DNAH3: variants seen among roughly 807,000 people sequenced by gnomAD.
The protein encoded by DNAH3 is dynein axonemal heavy chain 3.
A neutral mutation model predicts 432.5 loss-of-function variants in DNAH3; 332 were observed. The ratio of observed to expected loss-of-function variants is 0.77; its 90% CI spans 0.70 to 0.84. The LOEUF (loss-of-function observed/expected upper bound fraction) is 0.84. Ranked by LOEUF, DNAH3 falls within the 40% of genes least tolerant of loss-of-function variation. The probability of loss-of-function intolerance (pLI) is 0.00; values close to 1 mark genes in which losing one functional copy is unlikely to be tolerated. For missense variants in DNAH3, 4,861 were observed against 5,114.0 expected, an observed-to-expected ratio of 0.95 and a Z score of 1.51; for synonymous variants, 1,956 against 1,900.2, an observed-to-expected ratio of 1.03 and a Z score of -0.76.
chr16:21,087,184 G>C, intron 18 of DNAH3, 124 bp from the exon 19 acceptor site: 1 of 800,046 alleles, frequency 1.2e-6, no homozygotes, highest in Non-Finnish European at 2.0e-6. Context: ...TACAGGCTTT[G>C]AGGATCTGAA....
At chr16:20,943,699 C>T (rs778251143) in intron 58 of DNAH3, among the ~76,000 whole-genome samples, 2 of 152,164 alleles carry the variant, frequency 1.3e-5, no homozygotes, top group Admixed American at 6.6e-5. Flanking sequence ...CAACTGTTAA[C>T]GCTGGGAGCA....
intron 42 of DNAH3, among the ~76,000 whole-genome samples, chr16:21,001,653 G>C (rs1238352885): frequency 6.6e-6 from 1 of 152,168 alleles, no homozygotes; most frequent in Non-Finnish European, 1.5e-5. Context: ...TGTTTTGCCT[G>C]TATTACCCCC....
At chr16:20,936,546 G>T in intron 60 of DNAH3, 103 bp downstream of exon 60, 2 of 994,450 alleles carry the variant, frequency 2.0e-6, no homozygotes, top group South Asian at 1.6e-5. Flanking sequence ...GATGTTCTGT[G>T]GCTGCCTGCC....
chr16:21,025,524 G>A (rs544278401), intron 38 of DNAH3, among the ~76,000 whole-genome samples: 40 of 147,834 alleles, frequency 2.7e-4, no homozygotes, highest in African/African-American at 8.6e-4. Flanking sequence ...ATTTATAGAT[G>A]TAATTATAGA....
exon 53 of DNAH3, chr16:20,963,829 T>C: frequency 3.1e-6 from 5 of 1,613,882 alleles, no homozygotes; most frequent in Non-Finnish European, 4.2e-6. Context: ...CAGGGTGAAA[T>C]GGTCAATGAT....
intron 21 of DNAH3, 46 bp downstream of exon 21, chr16:21,075,400 TA>T (rs769694576): frequency 1.6e-6 from 2 of 1,288,028 alleles, no homozygotes; most frequent in East Asian, 2.3e-5. Flanking sequence ...TATTGCATAA[TA>T]AATGGGGCTG....
chr16:21,108,252 C>G (rs1440981944), intron 14 of DNAH3, among the ~76,000 whole-genome samples: 1 of 152,158 alleles, frequency 6.6e-6, no homozygotes, highest in African/African-American at 2.4e-5. Flanking sequence ...CCTGGGGTGT[C>G]TGCATTCTTA....
chr16:21,146,043 G>C, exon 2 of DNAH3: 2 of 1,613,968 alleles, frequency 1.2e-6, no homozygotes, highest in Non-Finnish European at 8.5e-7. Flanking sequence ...AGCTCTGGCT[G>C]CCCCTGGGAG....
chr16:21,118,001 T>C (rs1253178459), intron 11 of DNAH3, among the ~76,000 whole-genome samples: 1 of 152,054 alleles, frequency 6.6e-6, no homozygotes. Flanking sequence ...TTTTGTTTTG[T>C]TTTTTTGAGA....
rs2089355112 is a variant in DNAH3, at chr16:21,039,954, A to G, written c.4639-11T>C. On this transcript the variant is annotated splice_polypyrimidine_tract_variant and intron_variant, in intron 32 of 61. Transcript: ENST00000261383. ...TGTCCGGAACAAGGCCTGGAAAAGAAACAACAAATCAGAATCGGAACACGT... is the reference window on the plus strand; with the variant it reads ...TGTCCGGAACAAGGCCTGGAAAAGAGACAACAAATCAGAATCGGAACACGT... 3 of 1,609,152 alleles carry G rather than the reference A, an allele frequency of 1.9e-6. No homozygotes were observed. Among genetic ancestry groups the G allele is most frequent in the Non-Finnish European group, 2.6e-6 (3 of 1,175,784 alleles).
intron 31 of DNAH3, among the ~76,000 whole-genome samples, chr16:21,045,707 C>T (rs944712542): frequency 3.3e-4 from 50 of 151,204 alleles, no homozygotes; most frequent in Admixed American, 3.0e-3. Context: ...TATTTCTTGC[C>T]TTCTGCTAGC....
At chr16:20,981,410 C>CT (rs1252461533) in intron 49 of DNAH3, among the ~76,000 whole-genome samples, 1 of 152,180 alleles carries the variant, frequency 6.6e-6, no homozygotes, top group Non-Finnish European at 1.5e-5. Context: ...CCCCTACCTA[C>CT]TTCCTCATTT....
rs547689067 is a variant in DNAH3, at chr16:20,949,288, C to T, written c.11189-651G>A. 2.6e-4 allele frequency among the ~76,000 whole-genome samples: 38 copies of T among 145,626 alleles called. No individual in the cohort carries two copies. The South Asian group carries it at 7.7e-3, about 30-fold the overall frequency. ...CAAAAAAAAAAAAAAAAAAAAAGAC[C>T]TGCACTCCAGCCTGGGCAACAAGAG... is the stretch of plus-strand genomic sequence containing the variant. On this transcript the variant is annotated intron_variant, in intron 56 of 61. Coordinates refer to ENST00000261383, the Ensembl canonical transcript of DNAH3.
intron 20 of DNAH3, among the ~76,000 whole-genome samples, chr16:21,079,555 G>A (rs1242444863): frequency 2.0e-5 from 3 of 152,060 alleles, no homozygotes; most frequent in Non-Finnish European, 4.4e-5. Context: ...CCCAGGAGGC[G>A]GAGGTTGCAG....
At chr16:21,087,530 GAAGAAA>G (rs2091417476) in intron 18 of DNAH3, among the ~76,000 whole-genome samples, 1 of 151,522 alleles carries the variant, frequency 6.6e-6, no homozygotes, top group Non-Finnish European at 1.5e-5. Flanking sequence ...CAAAAAATGA[GAAGAAA>G]AAGAAAAAAG....
chr16:21,057,548 G>A (rs1170465665), intron 27 of DNAH3, among the ~76,000 whole-genome samples: 1 of 152,214 alleles, frequency 6.6e-6, no homozygotes, highest in Non-Finnish European at 1.5e-5. Context: ...ACAGTGTCAG[G>A]ATTTGAACTC....
intron 56 of DNAH3, among the ~76,000 whole-genome samples, chr16:20,949,634 G>A (rs895363391): frequency 2.6e-5 from 4 of 152,142 alleles, no homozygotes; most frequent in African/African-American, 9.7e-5. Flanking sequence ...ATGTTGAGAT[G>A]GTGGCAGTAA....
intron 44 of DNAH3, 21 bp from the exon 45 acceptor site, chr16:20,988,086 G>A (rs1342539619): frequency 6.2e-7 from 1 of 1,613,116 alleles, no homozygotes; most frequent in Non-Finnish European, 8.5e-7. Context: ...CAACACACAA[G>A]TGAATCATCC....
intron 6 of DNAH3, among the ~76,000 whole-genome samples, chr16:21,134,747 C>A (rs9936274): frequency 4.5e-4 from 69 of 152,204 alleles, no homozygotes; most frequent in African/African-American, 1.6e-3. Flanking sequence ...ATGGTTCAAT[C>A]TCAGCTCACT....
Sources: gnomAD v4.1 joint callset for allele counts (sites outside exome capture counted in the v4.1 genomes callset) on GRCh38, gnomAD v4.1.1 for gene constraint, MANE v1.5 for transcripts, NCBI Gene and HGNC (gene_info 2026-07-23, HGNC 2026-07-21) for gene names.